ATAD2B: variants seen among roughly 807,000 people sequenced by gnomAD.
ATAD2B encodes ATPase family AAA domain containing 2B.
In ATAD2B, 40 loss-of-function variants were observed where a neutral mutation model predicts 167.6. That is an observed-to-expected ratio of 0.24 (90% CI 0.19 to 0.31). The LOEUF (loss-of-function observed/expected upper bound fraction) is 0.31. Among genes scored for constraint, ATAD2B ranks in the 10% least tolerant of loss-of-function variants. The pLI is 1.00. For synonymous variants in ATAD2B, 579 were observed against 596.5 expected (o/e 0.97, Z 0.43); for missense variants, 1,242 against 1,757.2 (o/e 0.71, Z 5.24).
the ATAD2B span, among the ~76,000 whole-genome samples, chr2:23,694,184 T>A: frequency 6.6e-6 from 1 of 152,220 alleles, no homozygotes; most frequent in Non-Finnish European, 1.5e-5. Context: ...CAGAATGTCC[T>A]GCAGATCCGT....
chr2:23,887,828 A>G lies in ATAD2B; in HGVS notation c.572+4T>C, dbSNP rs894084044. The G allele has an allele frequency of 1.4e-5, 22 of 1,583,748 alleles. No homozygotes were observed. In the African/African-American group the frequency reaches 2.7e-4, roughly 20 times the overall value. On this transcript the variant is annotated splice_donor_region_variant and intron_variant, in intron 4 of 27. Coordinates refer to ENST00000238789, the MANE Select transcript of ATAD2B (RefSeq NM_017552.4). ...TGAAACTGCTTAATACTTGGCATTCATACCTATTTACTAGTTGATCAAATA... is the reference window on the plus strand; with the variant it reads ...TGAAACTGCTTAATACTTGGCATTCGTACCTATTTACTAGTTGATCAAATA...
chr2:23,736,123 T>G, the ATAD2B span, among the ~76,000 whole-genome samples: 1 of 152,178 alleles, frequency 6.6e-6, no homozygotes, highest in African/African-American at 2.4e-5. Flanking sequence ...GTTCTGAAAA[T>G]AGAGAATACT....
intron 1 of ATAD2B, among the ~76,000 whole-genome samples, chr2:23,909,588 C>T (rs779706298): frequency 6.6e-6 from 1 of 151,814 alleles, no homozygotes; most frequent in Non-Finnish European, 1.5e-5. Flanking sequence ...CACATATAAA[C>T]CCATAGTACA....
intron 18 of ATAD2B, among the ~76,000 whole-genome samples, chr2:23,799,589 A>G (rs1045450693): frequency 8.4e-5 from 12 of 143,392 alleles, no homozygotes; most frequent in South Asian, 2.1e-4. Flanking sequence ...AAAAAAAAAA[A>G]GAAAAGAAAA....
the ATAD2B span, among the ~76,000 whole-genome samples, chr2:23,735,016 T>C: frequency 6.6e-6 from 1 of 152,236 alleles, no homozygotes; most frequent in Non-Finnish European, 1.5e-5. Flanking sequence ...AAGTCATTAC[T>C]TTCCATTTCA....
intron 8 of ATAD2B, among the ~76,000 whole-genome samples, chr2:23,870,713 T>C (rs1695838732): frequency 2.0e-5 from 3 of 151,284 alleles, no homozygotes; most frequent in South Asian, 2.1e-4. Flanking sequence ...ATAGTCACAG[T>C]CCAGACATTT....
At chr2:23,904,681 T>C (rs565874828) in intron 1 of ATAD2B, among the ~76,000 whole-genome samples, 2 of 151,864 alleles carry the variant, frequency 1.3e-5, no homozygotes, top group East Asian at 1.9e-4. Flanking sequence ...AAAAACAGAA[T>C]AGGAACATTT....
chr2:23,711,570 C>CA, the ATAD2B span, among the ~76,000 whole-genome samples: 42 of 151,736 alleles, frequency 2.8e-4, no homozygotes, highest in African/African-American at 9.5e-4. Flanking sequence ...GGGGTTTCAC[C>CA]ATGTTGGCCA....
At chr2:23,792,860 G>A (rs1021826008) in intron 19 of ATAD2B, among the ~76,000 whole-genome samples, 2 of 147,918 alleles carry the variant, frequency 1.4e-5, no homozygotes, top group African/African-American at 5.0e-5. Context: ...TACTCCAGGA[G>A]GCTTAGGCAG....
At chr2:23,786,404 A>G (rs1293348978) in intron 20 of ATAD2B, among the ~76,000 whole-genome samples, 181 bp from the exon 21 acceptor site, 4 of 152,126 alleles carry the variant, frequency 2.6e-5, no homozygotes, top group Non-Finnish European at 5.9e-5. Context: ...TGAACATCAT[A>G]AGAGTATACC....
At chr2:23,888,908 T>G (rs1393176108) in intron 2 of ATAD2B, among the ~76,000 whole-genome samples, 1 of 152,162 alleles carries the variant, frequency 6.6e-6, no homozygotes, top group Non-Finnish European at 1.5e-5. Flanking sequence ...ATTTTACAAT[T>G]CTCTCTTTTG....
rs768747156 is a variant in ATAD2B, at chr2:23,833,987, T to C, written c.1660A>G (p.Ile554Val). ...CCAGGTCTCCTGAGTGCAGGATCTA[T>C]AGAGTCAAGTCTGTTTGTAGCACCA... ...VIGATNRLDSIDPALRRPGRF... is the reference protein window; with the variant it reads ...VIGATNRLDSVDPALRRPGRF... Residue 554 changes from isoleucine to valine, a missense_variant, in exon 14 of 28, where the codon ATA (isoleucine) becomes GTA (valine). This residue lies in a region of ATAD2B where 151 missense variants were observed against 284.1 expected (regional missense o/e 0.53). Coordinates refer to ENST00000238789, the MANE Select transcript of ATAD2B (RefSeq NM_017552.4). The C allele has an allele frequency of 4.3e-6, 7 of 1,613,378 alleles. No individual in the cohort carries two copies. The East Asian group carries it at 1.1e-4, about 26-fold the overall frequency.
intron 13 of ATAD2B, among the ~76,000 whole-genome samples, chr2:23,847,762 G>A (rs901034563): frequency 7.9e-5 from 12 of 151,760 alleles, no homozygotes; most frequent in Middle Eastern, 6.8e-3. Context: ...CGATGTGGGC[G>A]GATCACAAGG....
rs1007627823 is a variant in ATAD2B, at chr2:23,751,053, T to A, written c.*993A>T. On this transcript the variant is annotated 3_prime_UTR_variant, in exon 28 of 28. Coordinates refer to ENST00000238789, the MANE Select transcript of ATAD2B (RefSeq NM_017552.4). The stretch of plus-strand genomic sequence containing the variant: ...AAACAAAACAACAATTTACTACATA[T>A]GAAAACCATTTTTCTCTGGGAACTC... 1 of 152,134 alleles carries A rather than the reference T, an allele frequency of 6.6e-6. No homozygotes were observed. Among genetic ancestry groups the A allele is most frequent in the African/African-American group, 2.4e-5 (1 of 41,452 alleles). The allele number at this position is 152,134 out of a possible 1,614,324, so 9.4% of individuals were successfully genotyped here.
chr2:23,825,361 G>A (rs375353671), intron 15 of ATAD2B, among the ~76,000 whole-genome samples: 1 of 151,994 alleles, frequency 6.6e-6, no homozygotes, highest in South Asian at 2.1e-4. Flanking sequence ...TGACCTAGAA[G>A]AACTTAATTC....
intron 1 of ATAD2B, among the ~76,000 whole-genome samples, chr2:23,896,961 C>T (rs185914603): frequency 6.6e-6 from 1 of 152,172 alleles, no homozygotes; most frequent in East Asian, 1.9e-4. Context: ...AACCCATTTC[C>T]ACTAAAAATA....
chr2:23,689,174 G>T, the ATAD2B span: 1 of 152,300 alleles, frequency 6.6e-6, no homozygotes, highest in South Asian at 2.1e-4. Flanking sequence ...CTGTGCCTCT[G>T]CGGCCTTTCC....
chr2:23,687,236 C>T, the ATAD2B span, among the ~76,000 whole-genome samples: 1 of 150,844 alleles, frequency 6.6e-6, no homozygotes, highest in Non-Finnish European at 1.5e-5. Flanking sequence ...TGGGGATCAA[C>T]ATTGGCCCTC....
At chr2:23,826,821 T>C (rs1688332677) in intron 15 of ATAD2B, among the ~76,000 whole-genome samples, 1 of 152,198 alleles carries the variant, frequency 6.6e-6, no homozygotes, top group Non-Finnish European at 1.5e-5. Flanking sequence ...CAATGTATGT[T>C]GAGTTTTTCA....
Sources: gnomAD v4.1 joint callset for allele counts (sites outside exome capture counted in the v4.1 genomes callset) on GRCh38, gnomAD v4.1.1 for gene constraint, gnomAD v4.1.1 regional missense constraint, MANE v1.5 for transcripts, NCBI Gene and HGNC (gene_info 2026-07-23, HGNC 2026-07-21) for gene names.